The following REV3L variants were observed in gnomAD, a reference collection of about 807,000 sequenced individuals.
The protein encoded by REV3L is REV3 like, DNA directed polymerase zeta catalytic subunit, also known as DNA polymerase zeta catalytic subunit.
A neutral mutation model predicts 299.4 loss-of-function variants in REV3L; 69 were observed. The observed-to-expected ratio is 0.23, with a 90% CI of 0.19 to 0.28. The LOEUF is 0.28. Among genes scored for constraint, REV3L ranks in the 10% least tolerant of loss-of-function variants. The pLI is 1.00. For missense variants in REV3L, 3,128 were observed against 3,693.8 expected, an observed-to-expected ratio of 0.85 and a Z score of 3.97; for synonymous variants, 1,238 against 1,271.4, an observed-to-expected ratio of 0.97 and a Z score of 0.56.
At position 111,329,601 on chromosome 6, in the gene REV3L, A is replaced by C; in HGVS notation, c.8172T>G (p.Leu2724=). The part of the protein sequence containing the change: ...SRMLDARQLG[L]KLIANVTFGY... ...CAAATGTGACATTTGCTATCAGCTT[A>C]AGTCCCAACTGACGCGCATCAAGCA... Residue 2724 remains leucine (L), a synonymous_variant, in exon 25 of 32, where the codon CTT becomes CTG. Transcript: ENST00000368802. 1 of 1,614,170 alleles carries C rather than the reference A, an allele frequency of 6.2e-7. No individual in the cohort carries two copies. The highest frequency in any genetic ancestry group is 1.3e-5 in the African/African-American group (1 of 75,048).
At chr6:111,472,147 T>A (rs1470384124) in intron 1 of REV3L, 1 of 1,266,808 alleles carries the variant, frequency 7.9e-7, no homozygotes, top group Admixed American at 2.7e-5. Flanking sequence ...TATTCTGAAA[T>A]GAAATTTAGA....
chr6:111,451,828 A>G (rs1789580801), intron 1 of REV3L, among the ~76,000 whole-genome samples: 1 of 150,260 alleles, frequency 6.7e-6, no homozygotes, highest in South Asian at 2.2e-4. Context: ...GGTCACCAAA[A>G]AGTATGAATC....
intron 1 of REV3L, among the ~76,000 whole-genome samples, chr6:111,442,722 T>A (rs1048445847): frequency 2.0e-5 from 3 of 152,232 alleles, no homozygotes; most frequent in Non-Finnish European, 2.9e-5. Flanking sequence ...CCTGAAAAAA[T>A]TTTAGATTCA....
At chr6:111,328,498 T>C (rs573521163) in intron 25 of REV3L, among the ~76,000 whole-genome samples, 1 of 152,334 alleles carries the variant, frequency 6.6e-6, no homozygotes, top group East Asian at 1.9e-4. Context: ...TAAAAACTGC[T>C]ACAAAGGTGG....
intron 1 of REV3L, among the ~76,000 whole-genome samples, chr6:111,419,979 G>A (rs1366627162): frequency 6.6e-6 from 1 of 152,012 alleles, no homozygotes; most frequent in Non-Finnish European, 1.5e-5. Context: ...GGAGTAGCTG[G>A]GACTACAGGT....
rs569159231 is a variant in REV3L, at chr6:111,319,244, C to T, written c.8351+3325G>A. 2.2e-3 allele frequency among the ~76,000 whole-genome samples: 334 copies of T among 152,030 alleles called. 1 individual carries two copies. The highest frequency in any genetic ancestry group is 7.6e-3 in the African/African-American group (315 of 41,498). ...TTGGGAGGCCAAGGTGGGTGGATCA[C>T]GAGGTCAGGAGTTCAAGACCAGCCT... On this transcript the variant is annotated intron_variant, in intron 26 of 31. Coordinates refer to ENST00000368802, the MANE Select transcript of REV3L (RefSeq NM_001372078.1).
At position 111,313,417 on chromosome 6, in the gene REV3L, C is replaced by T; in HGVS notation, c.8539G>A (p.Asp2847Asn). The change falls in exon 28 of 32, where the codon GAC (aspartate) becomes AAC (asparagine). Residue 2847 changes from aspartate (D) to asparagine (N), a missense_variant. Physicochemically the swap from Asp to Asn is conservative, Grantham distance 23. Around this residue, in one of 9 missense-constraint regions of REV3L, gnomAD observed 294 missense variants for 377.0 expected, o/e 0.78. Coordinates refer to ENST00000368802, the MANE Select transcript of REV3L (RefSeq NM_001372078.1). ...GYMYETLDQK[D>N]PVFDAKGIET... ...ATTCCTTTTGCATCAAATACTGGGT[C>T]CTTCTGATCCAGTGTTTCATACATG... is the stretch of plus-strand genomic sequence containing the variant. The T allele has an allele frequency of 6.2e-7, 1 of 1,613,344 alleles. No homozygotes were observed. The highest frequency in any genetic ancestry group is 1.3e-5 in the African/African-American group (1 of 74,984).
At chr6:111,355,038 T>C (rs1182391233) in intron 18 of REV3L, among the ~76,000 whole-genome samples, 8 of 152,092 alleles carry the variant, frequency 5.3e-5, no homozygotes, top group South Asian at 2.1e-4. Flanking sequence ...ATCATAGTTA[T>C]ATTTAAGTTA....
intron 1 of REV3L, among the ~76,000 whole-genome samples, chr6:111,482,309 T>C (rs1234416400): frequency 6.6e-6 from 1 of 152,160 alleles, no homozygotes; most frequent in African/African-American, 2.4e-5. Flanking sequence ...CACTTCCCCG[T>C]TTCCAGAAAG....
In REV3L at chr6:111,357,028, T is replaced by G. The variant is rs771499562; in HGVS notation, c.7170A>C (p.Ala2390=). 1.4e-5 allele frequency: 22 copies of G among 1,588,152 alleles called. No individual in the cohort carries two copies. In the African/African-American group the frequency reaches 2.4e-4, roughly 18 times the overall value. The change falls in exon 18 of 32, where the codon GCA becomes GCC. Residue 2390 remains alanine, a synonymous_variant. Transcript: ENST00000368802. Reference sequence around the variant, plus strand: ...CAAAACAATACCTCTTTATTATATTTGCAATTTCATGAAAAAGTGCCTTCT... The same window carrying G: ...CAAAACAATACCTCTTTATTATATTGGCAATTTCATGAAAAAGTGCCTTCT... ...ADEKALFHEI[A]NIIKRYDPDI...
chr6:111,331,916 GTAATA>G, intron 23 of REV3L, 132 bp from the exon 24 acceptor site: 2 of 612,514 alleles, frequency 3.3e-6, no homozygotes, highest in Non-Finnish European at 5.7e-6. Context: ...CATGTACTTA[GTAATA>G]TGTTTATTTG....
chr6:111,375,067 G>A lies in REV3L; in HGVS notation c.3288C>T (p.Thr1096=), dbSNP rs760434149. 12 of 1,613,756 alleles carry A rather than the reference G, an allele frequency of 7.4e-6. No individual in the cohort carries two copies. The Middle Eastern group carries it at 4.9e-4, about 66-fold the overall frequency. ...CACTATAATTCAGGTCACAATCTTCGGTTTCAGCATTGTAAGATGGTGAGG... is the reference window on the plus strand; with the variant it reads ...CACTATAATTCAGGTCACAATCTTCAGTTTCAGCATTGTAAGATGGTGAGG... ...SPPSPSYNAE[T]EDCDLNYSDV... Residue 1096 remains threonine, a synonymous_variant, in exon 13 of 32, where the codon ACC becomes ACT. Transcript: ENST00000368802.
chr6:111,396,929 T>C (rs11153290), intron 4 of REV3L, among the ~76,000 whole-genome samples: 60,620 of 152,030 alleles, frequency 0.4, 14,619 homozygotes, highest in Non-Finnish European at 0.54. Context: ...CATATAGTTG[T>C]TCATGATAGT....
chr6:111,315,773 C>A (rs572461640), intron 26 of REV3L: 208 of 187,412 alleles, frequency 1.1e-3, no homozygotes, highest in African/African-American at 4.5e-3. Context: ...ATTAGATTCT[C>A]ATAGGAGCAT....
intron 1 of REV3L, among the ~76,000 whole-genome samples, chr6:111,425,857 A>G (rs1786113546): frequency 6.6e-6 from 1 of 152,206 alleles, no homozygotes; most frequent in African/African-American, 2.4e-5. Context: ...AAATTATAAA[A>G]AAAGAACCAA....
chr6:111,348,995 A>G (rs1582629684), intron 20 of REV3L: 1 of 333,854 alleles, frequency 3.0e-6, no homozygotes, highest in Admixed American at 5.4e-5. Flanking sequence ...AGTTATTGCT[A>G]CCTTAGACAC....
chr6:111,314,419 A>G (rs1773302286), intron 27 of REV3L, among the ~76,000 whole-genome samples: 1 of 152,118 alleles, frequency 6.6e-6, no homozygotes, highest in Non-Finnish European at 1.5e-5. Context: ...TTTCTTTGGG[A>G]TGTTCACACC....
chr6:111,359,454 ACTT>A (rs1778417768), intron 16 of REV3L, among the ~76,000 whole-genome samples: 1 of 147,688 alleles, frequency 6.8e-6, no homozygotes, highest in Non-Finnish European at 1.5e-5. Context: ...ATTCACTACT[ACTT>A]GAGGGCTACT....
chr6:111,409,462 T>C (rs768455503), intron 3 of REV3L, among the ~76,000 whole-genome samples: 1 of 151,850 alleles, frequency 6.6e-6, no homozygotes, highest in East Asian at 1.9e-4. Flanking sequence ...ATTAACCCAC[T>C]ATCAATGAAA....
Sources: allele counts gnomAD v4.1 joint callset (sites outside exome capture counted in the v4.1 genomes callset), GRCh38; gene constraint gnomAD v4.1.1; regional missense constraint gnomAD v4.1.1; transcripts MANE v1.5; gene names NCBI Gene and HGNC (gene_info 2026-07-23, HGNC 2026-07-21).